The following GCLM variants were observed in gnomAD, a reference collection of about 807,000 sequenced individuals.
GCLM encodes glutamate--cysteine ligase regulatory subunit.
GCLM carries 15 observed loss-of-function variants against 36.0 expected under a neutral mutation model. That is an observed-to-expected ratio of 0.42 (90% CI 0.28 to 0.64). The LOEUF (loss-of-function observed/expected upper bound fraction) is 0.64, where lower values mean the gene tolerates loss of function less well. GCLM is among the 30% of genes least tolerant of loss of function. GCLM has a pLI of 0.25. For synonymous variants in GCLM, 129 were observed against 122.8 expected, an observed-to-expected ratio of 1.05 and a Z score of -0.34; for missense variants, 242 against 325.5, an observed-to-expected ratio of 0.74 and a Z score of 1.97.
Position 93,894,657 on chromosome 1 carries a change from A to G in GCLM, c.612T>C (p.Ala204=). 6.2e-7 allele frequency: 1 copy of G among 1,611,164 alleles called. No homozygotes were observed. Among genetic ancestry groups the G allele is most frequent in the South Asian group, 1.1e-5 (1 of 91,012 alleles). Residue 204 remains alanine, a synonymous_variant, in exon 6 of 7, where the codon GCT becomes GCC. Coordinates refer to ENST00000370238, the MANE Select transcript of GCLM (RefSeq NM_002061.4). ...CVMPPDLTAF[A]KQFDIQLLTH... is the part of the protein sequence containing the mutation. The stretch of plus-strand genomic sequence containing the variant: ...TCAACAGCTGTATGTCAAATTGTTT[A>G]GCAAATGCAGTCAAATCTGGTGGCA...
chr1:93,904,471 T>C, intron 2 of GCLM, 52 bp downstream of exon 2: 2 of 1,120,726 alleles, frequency 1.8e-6, no homozygotes, highest in Non-Finnish European at 2.7e-6. Flanking sequence ...ACTTCCTGTT[T>C]ACTTTACTTC....
rs760225178 is a variant in GCLM at position 93,885,795 on chromosome 1, G to A, written c.*3195C>T. 1.8e-4 allele frequency: 27 copies of A among 152,092 alleles called. No individual in the cohort carries two copies. The highest frequency in any genetic ancestry group is 2.5e-4 in the Non-Finnish European group (17 of 67,990). The allele number at this position is 152,092 out of a possible 1,614,324, so 9.4% of individuals were successfully genotyped here. ...TACATTCCCAAATTTTGAAAATACT[G>A]GGTGAAAAATCTAGAAAGACAGTGT... On this transcript the variant is annotated 3_prime_UTR_variant, in exon 7 of 7. Transcript: ENST00000370238.
chr1:93,886,469 A>G lies in GCLM; in HGVS notation c.*2521T>C, dbSNP rs1220921887. ...AGATGTGAACATCAGCCTGGAAAACATATATAAAGCCTTAAAAATCAGTGT... is the reference window on the plus strand; with the variant it reads ...AGATGTGAACATCAGCCTGGAAAACGTATATAAAGCCTTAAAAATCAGTGT... On this transcript the variant is annotated 3_prime_UTR_variant, in exon 7 of 7. Transcript: ENST00000370238. 1 of 152,196 alleles carries G rather than the reference A, an allele frequency of 6.6e-6. No homozygotes were observed. Among genetic ancestry groups the G allele is most frequent in the Non-Finnish European group, 1.5e-5 (1 of 68,026 alleles). The allele number at this position is 152,196 out of a possible 1,614,324, so 9.4% of individuals were successfully genotyped here. A position where few individuals can be genotyped will look rare whatever the true frequency, so the allele number is the denominator to read the frequency against.
chr1:93,892,717 T>G (rs1656579952), intron 6 of GCLM, among the ~76,000 whole-genome samples: 1 of 152,220 alleles, frequency 6.6e-6, no homozygotes, highest in African/African-American at 2.4e-5. Flanking sequence ...AATAATGTAT[T>G]AGCACACATT....
At chr1:93,903,456 G>A (rs1488104624) in intron 2 of GCLM, among the ~76,000 whole-genome samples, 1 of 150,370 alleles carries the variant, frequency 6.7e-6, no homozygotes, top group African/African-American at 2.4e-5. Flanking sequence ...GATTACAGGC[G>A]GGTACCACCA....
chr1:93,885,322 T>C lies in GCLM; in HGVS notation c.*3668A>G, dbSNP rs527831611. On this transcript the variant is annotated 3_prime_UTR_variant, in exon 7 of 7. Coordinates refer to ENST00000370238, the MANE Select transcript of GCLM (RefSeq NM_002061.4). ...ATTGAAACAACCCAATTAAAAAATATACAACTCACACTTTATTTTAGTTAA... is the reference window on the plus strand; with the variant it reads ...ATTGAAACAACCCAATTAAAAAATACACAACTCACACTTTATTTTAGTTAA... 6.6e-6 allele frequency: 1 copy of C among 152,182 alleles called. No homozygotes were observed. Among genetic ancestry groups the C allele is most frequent in the African/African-American group, 2.4e-5 (1 of 41,456 alleles). The allele number at this position is 152,182 out of a possible 1,614,324, so 9.4% of individuals were successfully genotyped here.
rs1450512639 is a variant in GCLM at position 93,887,610 on chromosome 1, A to G, written c.*1380T>C. On this transcript the variant is annotated 3_prime_UTR_variant, in exon 7 of 7. Transcript: ENST00000370238. Reference sequence around the variant, plus strand: ...CTCAGCCTCCCAAGTAGCTGAGATTACAGGCGAGTGCCACCACGCCCAGCC... The same window carrying G: ...CTCAGCCTCCCAAGTAGCTGAGATTGCAGGCGAGTGCCACCACGCCCAGCC... 6.6e-6 allele frequency: 1 copy of G among 151,942 alleles called. No homozygotes were observed. The highest frequency in any genetic ancestry group is 2.4e-5 in the African/African-American group (1 of 41,248). The allele number at this position is 151,942 out of a possible 1,614,324, so 9.4% of individuals were successfully genotyped here. A position where few individuals can be genotyped will look rare whatever the true frequency, so the allele number is the denominator to read the frequency against.
At chr1:93,905,659 C>A (rs1657122639) in intron 1 of GCLM, among the ~76,000 whole-genome samples, 1 of 152,026 alleles carries the variant, frequency 6.6e-6, no homozygotes, top group Non-Finnish European at 1.5e-5. Context: ...TTCAAACATA[C>A]TTTATTAAAG....
At position 93,900,206 on chromosome 1, in the gene GCLM, G is replaced by GC. The variant is rs200270437; in HGVS notation, c.277+1378dup. On this transcript the variant is annotated intron_variant, in intron 3 of 6. Transcript: ENST00000370238. The stretch of plus-strand genomic sequence containing the variant: ...CTTTAGCCCCTATAACTCTATGAAA[G>GC]CCCCCCCCAATACTATTTCTCTGTC... Among the ~76,000 whole-genome samples the GC allele has an allele frequency of 2.0e-3, 301 of 151,434 alleles. 1 individual carries two copies. Among genetic ancestry groups the GC allele is most frequent in the African/African-American group, 6.3e-3 (259 of 41,228 alleles).
At chr1:93,908,766 G>C (rs1657243045) in intron 1 of GCLM, 4 of 265,938 alleles carry the variant, frequency 1.5e-5, no homozygotes, top group Non-Finnish European at 2.8e-5. Context: ...CAGGATGTTT[G>C]AGAGTTTTGC....
At chr1:93,905,122 G>C (rs1424238092) in intron 1 of GCLM, among the ~76,000 whole-genome samples, 1 of 145,942 alleles carries the variant, frequency 6.9e-6, no homozygotes, top group Non-Finnish European at 1.5e-5. Context: ...ATAGTGTGCT[G>C]AGATGATGCC....
intron 2 of GCLM, among the ~76,000 whole-genome samples, chr1:93,903,604 C>T (rs1307785123): frequency 6.6e-6 from 1 of 151,990 alleles, no homozygotes; most frequent in Non-Finnish European, 1.5e-5. Context: ...AGGCGTGAGC[C>T]ACTGCGCCCA....
At chr1:93,898,331 G>GAAAAAAAAAAAAAAAAAAAA (rs1656814607) in intron 3 of GCLM, among the ~76,000 whole-genome samples, 2 of 53,946 alleles carry the variant, frequency 3.7e-5, no homozygotes, top group African/African-American at 1.9e-4. Context: ...AAAAAAAAAG[G>GAAAAAAAAAAAAAAAAAAAA]CCACAATTCT....
intron 6 of GCLM, among the ~76,000 whole-genome samples, chr1:93,891,228 G>A (rs1433490935): frequency 6.6e-6 from 1 of 152,028 alleles, no homozygotes; most frequent in Non-Finnish European, 1.5e-5. Context: ...CTGCTCTGAT[G>A]CCATATCCCA....
At chr1:93,898,475 G>A (rs1214911726) in intron 3 of GCLM, among the ~76,000 whole-genome samples, 5 of 151,774 alleles carry the variant, frequency 3.3e-5, no homozygotes, top group Non-Finnish European at 1.5e-5. Context: ...ATATGTCTAT[G>A]TAGTATTTAG....
intron 3 of GCLM, among the ~76,000 whole-genome samples, chr1:93,900,369 G>GACA (rs10629524): frequency 0.47 from 70,742 of 151,724 alleles, 18,430 homozygotes; most frequent in African/African-American, 0.71. Context: ...AGGAACTGAG[G>GACA]ACTTCTAAGA....
intron 1 of GCLM, among the ~76,000 whole-genome samples, chr1:93,904,877 A>G (rs1657088220): frequency 6.6e-6 from 1 of 152,226 alleles, no homozygotes; most frequent in Admixed American, 6.5e-5. Flanking sequence ...CTGTTGAGAC[A>G]CAAAAGCATT....
intron 6 of GCLM, among the ~76,000 whole-genome samples, chr1:93,889,481 GA>G (rs1478250016): frequency 4.0e-5 from 6 of 149,572 alleles, no homozygotes; most frequent in East Asian, 3.9e-4. Flanking sequence ...AAAGTCTAAA[GA>G]AAAAAAAAGT....
Position 93,898,303 on chromosome 1 carries a change from G to GAAAAAAAAAAAAAAAAA in GCLM, c.278-422_278-406dup, listed in dbSNP as rs58007552. On this transcript the variant is annotated intron_variant, in intron 3 of 6. Transcript: ENST00000370238. ...TTGAAAATGTAATGAGAAGAAAACT[G>GAAAAAAAAAAAAAAAAA]AAAAAAAAAAAAAAAAAAAAAAAAA... 4.0e-3 allele frequency among the ~76,000 whole-genome samples: 66 copies of GAAAAAAAAAAAAAAAAA among 16,430 alleles called. 12 individuals are homozygous for GAAAAAAAAAAAAAAAAA. Among genetic ancestry groups the GAAAAAAAAAAAAAAAAA allele is most frequent in the Admixed American group, 6.6e-3 (6 of 906 alleles). 10.8% of individuals were successfully genotyped at this position (16,430 alleles called of 152,430 possible).
Sources: allele counts gnomAD v4.1 joint callset (sites outside exome capture counted in the v4.1 genomes callset), GRCh38; gene constraint gnomAD v4.1.1; transcripts MANE v1.5; gene names NCBI Gene and HGNC (gene_info 2026-07-23, HGNC 2026-07-21).